ARID1B: variants seen among roughly 807,000 people sequenced by gnomAD.
ARID1B encodes AT-rich interactive domain-containing protein 1B.
In ARID1B, 30 loss-of-function variants were observed where a neutral mutation model predicts 212.3. The observed-to-expected ratio is 0.14, with a 90% CI of 0.11 to 0.19. The LOEUF is 0.19. ARID1B is among the 10% of genes least tolerant of loss of function. ARID1B has a pLI of 1.00. For missense variants in ARID1B, 2,891 were observed against 3,204.0 expected, an observed-to-expected ratio of 0.90 and a Z score of 2.36; for synonymous variants, 1,402 against 1,301.7, an observed-to-expected ratio of 1.08 and a Z score of -1.66.
chr6:156,976,809 C>T (rs901062569), intron 4 of ARID1B: 7 of 567,086 alleles, frequency 1.2e-5, no homozygotes, highest in Non-Finnish European at 2.1e-5. Context: ...AAACTCCTAA[C>T]TCAGTTACAT....
At chr6:156,838,657 A>G (rs1347271616) in intron 2 of ARID1B, among the ~76,000 whole-genome samples, 1 of 151,894 alleles carries the variant, frequency 6.6e-6, no homozygotes, top group African/African-American at 2.4e-5. Flanking sequence ...TGGCACATGT[A>G]TACCTATGTA....
intron 3 of ARID1B, among the ~76,000 whole-genome samples, chr6:156,926,115 G>A (rs889314055): frequency 1.3e-5 from 2 of 152,188 alleles, no homozygotes; most frequent in African/African-American, 2.4e-5. Context: ...AGGACACCAG[G>A]CCTTTAAGAG....
intron 1 of ARID1B, among the ~76,000 whole-genome samples, chr6:156,800,419 T>C (rs1038932594): frequency 3.9e-5 from 6 of 152,088 alleles, no homozygotes; most frequent in Admixed American, 1.3e-4. Flanking sequence ...TAAAACCTCG[T>C]CTCTACTAAA....
intron 4 of ARID1B, among the ~76,000 whole-genome samples, chr6:156,966,125 T>G (rs1433686024): frequency 6.6e-6 from 1 of 152,178 alleles, no homozygotes; most frequent in Non-Finnish European, 1.5e-5. Context: ...ACTGCTAATT[T>G]ATCATTCAAC....
intron 4 of ARID1B, among the ~76,000 whole-genome samples, chr6:157,073,102 CTTT>C (rs869172647): frequency 1.4e-5 from 2 of 138,814 alleles, no homozygotes. Flanking sequence ...TTCACCCCAT[CTTT>C]TTTTTTTTTT....
chr6:156,825,474 A>G (rs1164335403), intron 1 of ARID1B, among the ~76,000 whole-genome samples: 1 of 152,228 alleles, frequency 6.6e-6, no homozygotes, highest in African/African-American at 2.4e-5. Flanking sequence ...GTGCAAATTA[A>G]CTGAATTTTA....
At chr6:156,938,647 A>T (rs1405385520) in intron 4 of ARID1B, 1 of 152,194 alleles carries the variant, frequency 6.6e-6, no homozygotes, top group Non-Finnish European at 1.5e-5. Flanking sequence ...CTTTTTGCTT[A>T]CAGATAGGTT....
chr6:156,900,902 G>A (rs753318349), intron 2 of ARID1B, among the ~76,000 whole-genome samples: 19 of 152,314 alleles, frequency 1.2e-4, no homozygotes, highest in Middle Eastern at 6.8e-3. Context: ...TGTAAATGCC[G>A]TTGGTATATT....
At chr6:157,011,121 C>G (rs1350337396) in intron 4 of ARID1B, among the ~76,000 whole-genome samples, 1 of 152,018 alleles carries the variant, frequency 6.6e-6, no homozygotes, top group Non-Finnish European at 1.5e-5. Flanking sequence ...TTCATTTGTT[C>G]TACTTTCTCT....
chr6:156,918,876 C>T (rs1271463974), intron 3 of ARID1B, among the ~76,000 whole-genome samples: 3 of 152,288 alleles, frequency 2.0e-5, no homozygotes, highest in South Asian at 4.1e-4. Context: ...TGACCTTCCT[C>T]TCTCTGTTCC....
rs746497588 is a variant in ARID1B at position 157,206,335 on chromosome 6, G to A, written c.5563G>A (p.Glu1855Lys). 1.8e-5 allele frequency: 29 copies of A among 1,614,208 alleles called. No homozygotes were observed. The highest frequency in any genetic ancestry group is 2.4e-5 in the Non-Finnish European group (28 of 1,180,044). ...QSLADDSGKEEEDAECIDDDE... is the reference protein window; with the variant it reads ...QSLADDSGKEKEDAECIDDDE... ...CTTGGCAGACGATTCTGGGAAAGAG[G>A]AGGAAGATGCTGAATGTATTGATGA... The change falls in exon 20 of 20, where the codon GAG becomes AAG. Residue 1855 changes from glutamate to lysine, a missense_variant. Coordinates refer to ENST00000636930, the MANE Select transcript of ARID1B (RefSeq NM_001374828.1). The surrounding 1 kb of genome is among the most constrained non-coding windows in gnomAD (Gnocchi z 6.8).
At chr6:156,830,349 C>T (rs1783060863) in intron 2 of ARID1B, among the ~76,000 whole-genome samples, 1 of 152,196 alleles carries the variant, frequency 6.6e-6, no homozygotes, top group Admixed American at 6.5e-5. Flanking sequence ...TAACCCACAA[C>T]AGGGCTTGAC....
intron 6 of ARID1B, among the ~76,000 whole-genome samples, chr6:157,112,777 C>G (rs1473010870): frequency 5.3e-5 from 8 of 152,142 alleles, no homozygotes; most frequent in Admixed American, 4.6e-4. Flanking sequence ...AAGGCAAAAT[C>G]TAGGCTCTTT....
intron 4 of ARID1B, among the ~76,000 whole-genome samples, chr6:157,004,897 C>G (rs57028195): frequency 0.13 from 7,306 of 54,492 alleles, 1,435 homozygotes; most frequent in African/African-American, 0.17. Flanking sequence ...CTTCTTTTTT[C>G]TTTTTTTTTT....
At chr6:156,796,290 A>G (rs533701429) in intron 1 of ARID1B, among the ~76,000 whole-genome samples, 1 of 152,304 alleles carries the variant, frequency 6.6e-6, no homozygotes, top group Non-Finnish European at 1.5e-5. Context: ...AACCCATCTC[A>G]AGCAAATCAG....
intron 4 of ARID1B, chr6:157,071,629 AT>A: frequency 6.6e-6 from 1 of 152,358 alleles, no homozygotes; most frequent in Admixed American, 6.5e-5. Flanking sequence ...AAGCAGTGGT[AT>A]TCATTGTTTC....
At chr6:157,009,604 A>G (rs17088012) in intron 4 of ARID1B, among the ~76,000 whole-genome samples, 2,078 of 152,294 alleles carry the variant, frequency 0.014, 35 homozygotes, top group African/African-American at 0.045. Flanking sequence ...AGCAGCACAT[A>G]CTCTTGTGAA....
chr6:156,978,330 T>G (rs1176516028), intron 4 of ARID1B, among the ~76,000 whole-genome samples: 2 of 152,260 alleles, frequency 1.3e-5, no homozygotes, highest in African/African-American at 4.8e-5. Context: ...ACCAAGATCC[T>G]TGTTGATGGT....
At chr6:156,799,958 G>C (rs1780663450) in intron 1 of ARID1B, among the ~76,000 whole-genome samples, 1 of 152,158 alleles carries the variant, frequency 6.6e-6, no homozygotes, top group Non-Finnish European at 1.5e-5. Context: ...GGTCCTAGGT[G>C]ACATGGCTCT....
Sources: gnomAD v4.1 joint callset for allele counts (sites outside exome capture counted in the v4.1 genomes callset) on GRCh38, gnomAD v4.1.1 for gene constraint, Gnocchi (gnomAD v3.1) non-coding constraint, MANE v1.5 for transcripts, NCBI Gene and HGNC (gene_info 2026-07-23, HGNC 2026-07-21) for gene names.